GCKR: variants seen among roughly 807,000 people sequenced by gnomAD.
GCKR encodes glucokinase regulator, also known as glucokinase regulatory protein.
In GCKR, 73 loss-of-function variants were observed where a neutral mutation model predicts 82.9. The ratio of observed to expected loss-of-function variants is 0.88; its 90% CI spans 0.73 to 1.07. The LOEUF (loss-of-function observed/expected upper bound fraction) is 1.07. Among genes scored for constraint, GCKR ranks in the 50% least tolerant of loss-of-function variants. GCKR has a pLI of 0.00. For synonymous variants in GCKR, 294 were observed against 291.8 expected (o/e 1.01, Z -0.08); for missense variants, 784 against 782.1 (o/e 1.00, Z -0.03).
intron 16 of GCKR, among the ~76,000 whole-genome samples, chr2:27,517,071 G>T (rs1670028704): frequency 6.6e-6 from 1 of 150,620 alleles, no homozygotes; most frequent in East Asian, 1.9e-4. Context: ...GGAGTGCAGT[G>T]GCGTGATCTA....
At chr2:27,500,071 A>T (rs1056494048) in intron 7 of GCKR, among the ~76,000 whole-genome samples, 3 of 149,800 alleles carry the variant, frequency 2.0e-5, no homozygotes, top group Non-Finnish European at 4.4e-5. Context: ...CCTAAAATAA[A>T]GGTTAGTTTT....
intron 16 of GCKR, among the ~76,000 whole-genome samples, chr2:27,517,922 A>C (rs1670049143): frequency 6.6e-6 from 1 of 152,208 alleles, no homozygotes; most frequent in Non-Finnish European, 1.5e-5. Flanking sequence ...CCATCTCGTT[A>C]TCATATGAGC....
rs771846194 is a variant in GCKR, at chr2:27,523,614, G to A, written c.*175G>A. On this transcript the variant is annotated 3_prime_UTR_variant, in exon 19 of 19. Coordinates refer to ENST00000264717, the MANE Select transcript of GCKR (RefSeq NM_001486.4). ...ACTTTGGGGGAGAGTTCTTGCTCTC[G>A]ACCTAGTGGTTTCTACTCTCACCGA... 4.7e-6 allele frequency: 3 copies of A among 642,460 alleles called. No individual in the cohort carries two copies. The highest frequency in any genetic ancestry group is 2.7e-5 in the East Asian group (1 of 36,552). The allele number at this position is 642,460 out of a possible 1,614,324, so 39.8% of individuals were successfully genotyped here.
chr2:27,515,467 G>A (rs1270563896), intron 16 of GCKR, among the ~76,000 whole-genome samples: 1 of 150,642 alleles, frequency 6.6e-6, no homozygotes, highest in Non-Finnish European at 1.5e-5. Context: ...GTTGGCCAGG[G>A]GTGTCACCAT....
At chr2:27,509,033 G>A (rs1669816868) in intron 16 of GCKR, among the ~76,000 whole-genome samples, 1 of 152,094 alleles carries the variant, frequency 6.6e-6, no homozygotes, top group Non-Finnish European at 1.5e-5. Flanking sequence ...AGCTTTGTGT[G>A]GGCATTGGGA....
chr2:27,507,523 T>G (rs957785510), intron 13 of GCKR, 158 bp from the exon 14 acceptor site: 2 of 681,588 alleles, frequency 2.9e-6, no homozygotes, highest in African/African-American at 3.5e-5. Flanking sequence ...TCCACTGACT[T>G]GTTACATAAT....
chr2:27,507,970 C>A lies in GCKR; in HGVS notation c.1241-7C>A. On this transcript the variant is annotated splice_polypyrimidine_tract_variant and splice_region_variant and intron_variant, in intron 14 of 18. Coordinates refer to ENST00000264717, the MANE Select transcript of GCKR (RefSeq NM_001486.4). Reference sequence around the variant, plus strand: ...CTTTCGACTCTGATGCCCTCCCCTTCTCCTAGACAACCTCACGGAGGTGCA... The same window carrying A: ...CTTTCGACTCTGATGCCCTCCCCTTATCCTAGACAACCTCACGGAGGTGCA... 6.3e-7 allele frequency: 1 copy of A among 1,599,114 alleles called. No individual in the cohort carries two copies. The highest frequency in any genetic ancestry group is 8.6e-7 in the Non-Finnish European group (1 of 1,166,422).
chr2:27,517,035 A>G (rs1332881160), intron 16 of GCKR, among the ~76,000 whole-genome samples: 1 of 133,602 alleles, frequency 7.5e-6, no homozygotes, highest in South Asian at 2.3e-4. Context: ...TTTTTTTAAT[A>G]TGGAGTCTCA....
At chr2:27,511,111 T>C (rs914053880) in intron 16 of GCKR, among the ~76,000 whole-genome samples, 9 of 152,224 alleles carry the variant, frequency 5.9e-5, no homozygotes, top group African/African-American at 2.2e-4. Context: ...CATTGCAACC[T>C]CTGCCTCCCG....
At position 27,514,702 on chromosome 2, in the gene GCKR, T is replaced by G. The variant is rs570470654; in HGVS notation, c.1423-4086T>G. 3.3e-5 allele frequency among the ~76,000 whole-genome samples: 5 copies of G among 152,356 alleles called. No homozygotes were observed. The South Asian group carries it at 1.0e-3, about 32-fold the overall frequency. ...TCAATCATGATGTAATGAATGTACA[T>G]GTATTTTTATAATGTCAGAAGAGTA... On this transcript the variant is annotated intron_variant, in intron 16 of 18. Coordinates refer to ENST00000264717, the MANE Select transcript of GCKR (RefSeq NM_001486.4).
chr2:27,519,584 G>A (rs1333108461), intron 17 of GCKR, among the ~76,000 whole-genome samples: 1 of 152,172 alleles, frequency 6.6e-6, no homozygotes, highest in Non-Finnish European at 1.5e-5. Flanking sequence ...TTACAGGCGT[G>A]AGTCACTGCA....
At chr2:27,499,288 C>A in intron 6 of GCKR, 80 bp downstream of exon 6, 1 of 1,362,796 alleles carries the variant, frequency 7.3e-7, no homozygotes, top group Non-Finnish European at 1.1e-6. Context: ...AGCATTCAGC[C>A]AAAGCCTATT....
intron 16 of GCKR, chr2:27,509,640 C>A: frequency 4.0e-6 from 1 of 249,526 alleles, no homozygotes; most frequent in Non-Finnish European, 8.8e-6. Context: ...CTACGCCTAG[C>A]CAAAACACTG....
At position 27,506,435 on chromosome 2, in the gene GCKR, G is replaced by A. The variant is rs747145298; in HGVS notation, c.870-46G>A. ...GCTCAGGGAGGCACCTAAGCTTTCT[G>A]AGGGGGAATTGGGCCCTTCTTGAGA... is the stretch of plus-strand genomic sequence containing the variant. On this transcript the variant is annotated intron_variant, in intron 10 of 18. Transcript: ENST00000264717. 3 of 1,278,192 alleles carry A rather than the reference G, an allele frequency of 2.3e-6. No homozygotes were observed. In the East Asian group the frequency reaches 6.9e-5, roughly 29 times the overall value. The allele number at this position is 1,278,192 out of a possible 1,614,324, so 79.2% of individuals were successfully genotyped here. A position where few individuals can be genotyped will look rare whatever the true frequency, so the allele number is the denominator to read the frequency against.
In GCKR at chr2:27,506,436, AG is replaced by A. The variant is rs932258464; in HGVS notation, c.870-40del. ...CTCAGGGAGGCACCTAAGCTTTCTG[AG>A]GGGGAATTGGGCCCTTCTTGAGAGC... On this transcript the variant is annotated intron_variant, in intron 10 of 18. Coordinates refer to ENST00000264717, the MANE Select transcript of GCKR (RefSeq NM_001486.4). 7.8e-6 allele frequency: 10 copies of A among 1,275,362 alleles called. No homozygotes were observed. The African/African-American group carries it at 1.5e-4, about 19-fold the overall frequency. The allele number at this position is 1,275,362 out of a possible 1,614,324, so 79.0% of individuals were successfully genotyped here.
At chr2:27,512,575 T>C (rs1417294958) in intron 16 of GCKR, among the ~76,000 whole-genome samples, 1 of 151,882 alleles carries the variant, frequency 6.6e-6, no homozygotes, top group African/African-American at 2.4e-5. Flanking sequence ...ATGCCTGATA[T>C]GTTATACTAA....
intron 9 of GCKR, 70 bp from the exon 10 acceptor site, chr2:27,505,648 G>A (rs1669712787): frequency 1.2e-6 from 1 of 823,610 alleles, no homozygotes; most frequent in Admixed American, 1.7e-5. Context: ...CATGCCCGGG[G>A]GTTACTAACA....
intron 16 of GCKR, among the ~76,000 whole-genome samples, chr2:27,511,979 G>A (rs994662666): frequency 2.6e-5 from 4 of 152,038 alleles, no homozygotes; most frequent in African/African-American, 7.2e-5. Context: ...GGTGGCTCAT[G>A]CCTGTAATCC....
At position 27,507,257 on chromosome 2, in the gene GCKR, T is replaced by A; in HGVS notation, c.1089T>A (p.Phe363Leu). 1 of 1,612,468 alleles carries A rather than the reference T, an allele frequency of 6.2e-7. No individual in the cohort carries two copies. The highest frequency in any genetic ancestry group is 1.3e-5 in the African/African-American group (1 of 75,014). ...FGADFRDVRG[F>L]LIGDHSDMFN... ...CAGATTTCCGAGATGTCCGTGGCTT[T>A]CTCATTGGTGATCACAGTGACATGT... The change falls in exon 13 of 19, where the codon TTT (phenylalanine) becomes TTA (leucine). Residue 363 changes from phenylalanine to leucine, a missense_variant. Phe to Leu is a conservative substitution (Grantham distance 22). Coordinates refer to ENST00000264717, the MANE Select transcript of GCKR (RefSeq NM_001486.4).
Sources: gnomAD v4.1 joint callset for allele counts (sites outside exome capture counted in the v4.1 genomes callset) on GRCh38, gnomAD v4.1.1 for gene constraint, MANE v1.5 for transcripts, NCBI Gene and HGNC (gene_info 2026-07-23, HGNC 2026-07-21) for gene names.